MACROH2A1: variants seen among roughly 807,000 people sequenced by gnomAD.
MACROH2A1 encodes the protein core histone macro-H2A.1.
MACROH2A1 carries 2 observed loss-of-function variants against 31.6 expected under a neutral mutation model. That is an observed-to-expected ratio of 0.06 (90% CI 0.03 to 0.20). The LOEUF (loss-of-function observed/expected upper bound fraction) is 0.20. Among genes scored for constraint, MACROH2A1 ranks in the 10% least tolerant of loss-of-function variants. MACROH2A1 has a pLI of 1.00. For missense variants in MACROH2A1, 230 were observed against 474.0 expected, an observed-to-expected ratio of 0.49 and a Z score of 4.78; for synonymous variants, 169 against 189.6, an observed-to-expected ratio of 0.89 and a Z score of 0.89.
In MACROH2A1 at chr5:135,337,680, T is replaced by C. The variant is rs1484217403; in HGVS notation, c.954-2539A>G. On this transcript the variant is annotated intron_variant, in intron 8 of 8. Coordinates refer to ENST00000511689, the MANE Select transcript of MACROH2A1 (RefSeq NM_138610.3). Reference sequence around the variant, plus strand: ...ACTGCTGTTCTACAAATAGCCAGCATGGACTTTATAATCCAAGCTGGCAGG... The same window carrying C: ...ACTGCTGTTCTACAAATAGCCAGCACGGACTTTATAATCCAAGCTGGCAGG... Among the ~76,000 whole-genome samples the C allele has an allele frequency of 2.0e-5, 3 of 152,256 alleles. No individual in the cohort carries two copies. The East Asian group carries it at 5.8e-4, about 29-fold the overall frequency.
chr5:135,336,447 G>A (rs925933734), intron 8 of MACROH2A1, among the ~76,000 whole-genome samples: 3 of 152,246 alleles, frequency 2.0e-5, no homozygotes, highest in African/African-American at 4.8e-5. Flanking sequence ...CCCAGCCTAT[G>A]TGAAGGAGCC....
chr5:135,385,213 AGAG>A (rs1766228124), intron 2 of MACROH2A1, among the ~76,000 whole-genome samples: 1 of 152,342 alleles, frequency 6.6e-6, no homozygotes, highest in South Asian at 2.1e-4. Flanking sequence ...TGGGCCATGC[AGAG>A]AAGAAAACAA....
At chr5:135,350,871 C>G in intron 6 of MACROH2A1, 2 of 1,613,064 alleles carry the variant, frequency 1.2e-6, no homozygotes, top group Non-Finnish European at 1.7e-6. Flanking sequence ...TGAACGACAG[C>G]ATCACTGTCG....
At chr5:135,335,834 C>T (rs1264220558) in intron 8 of MACROH2A1, among the ~76,000 whole-genome samples, 1 of 152,230 alleles carries the variant, frequency 6.6e-6, no homozygotes, top group Non-Finnish European at 1.5e-5. Context: ...CTGGCCCTCA[C>T]TGCTCTGTGG....
chr5:135,351,274 TA>T (rs879456632), intron 6 of MACROH2A1: 447 of 147,840 alleles, frequency 3.0e-3, no homozygotes, highest in East Asian at 4.2e-3. Flanking sequence ...GGCATCTGTT[TA>T]AAAAAAAAAA....
At chr5:135,390,194 C>T (rs1767023139) in intron 1 of MACROH2A1, among the ~76,000 whole-genome samples, 1 of 152,238 alleles carries the variant, frequency 6.6e-6, no homozygotes. Flanking sequence ...ATCTCTCACA[C>T]TTGCCTCTGC....
intron 2 of MACROH2A1, among the ~76,000 whole-genome samples, chr5:135,386,382 T>C (rs1279277788): frequency 1.3e-5 from 2 of 152,248 alleles, no homozygotes; most frequent in African/African-American, 4.8e-5. Flanking sequence ...TGCCAATGAC[T>C]CAGTGCCGCA....
chr5:135,368,917 T>C (rs930092233), intron 4 of MACROH2A1, among the ~76,000 whole-genome samples: 3 of 152,162 alleles, frequency 2.0e-5, no homozygotes, highest in African/African-American at 7.2e-5. Flanking sequence ...ATACATCCAT[T>C]TTCCTCCTTG....
intron 2 of MACROH2A1, among the ~76,000 whole-genome samples, chr5:135,388,523 C>G (rs1374099864): frequency 3.9e-5 from 6 of 152,136 alleles, no homozygotes; most frequent in African/African-American, 1.4e-4. Flanking sequence ...AGCTGGCAAA[C>G]TGTTCAAAAT....
intron 6 of MACROH2A1, chr5:135,346,992 T>C (rs1428583720): frequency 6.6e-6 from 1 of 152,196 alleles, no homozygotes; most frequent in Admixed American, 6.5e-5. Flanking sequence ...CAGAATGGGG[T>C]CTGAGTCTTC....
chr5:135,383,984 C>G (rs1447698534), intron 2 of MACROH2A1, among the ~76,000 whole-genome samples: 1 of 152,168 alleles, frequency 6.6e-6, no homozygotes, highest in Admixed American at 6.5e-5. Context: ...TCTTCCTGCT[C>G]TATTTTTAGC....
intron 5 of MACROH2A1, chr5:135,359,263 T>G: frequency 1.0e-6 from 1 of 985,168 alleles, no homozygotes; most frequent in African/African-American, 1.7e-5. Context: ...GTATTTCAAA[T>G]GGAAGTAATG....
In MACROH2A1 at chr5:135,388,990, C is replaced by T; in HGVS notation, c.104G>A (p.Gly35Asp). ...CACTCCAATCCTGTACTTGGGGTGG[C>T]CTTTCTTGATGTACCGCAGCATCCG... ...VGRMLRYIKKGHPKYRIGVGA... is the reference protein window; with the variant it reads ...VGRMLRYIKKDHPKYRIGVGA... The change falls in exon 2 of 9, where the codon GGC becomes GAC. Residue 35 changes from glycine (G) to aspartate (D), a missense_variant. Transcript: ENST00000511689. The T allele has an allele frequency of 1.2e-6, 2 of 1,613,884 alleles. No homozygotes were observed. Among genetic ancestry groups the T allele is most frequent in the Non-Finnish European group, 1.7e-6 (2 of 1,179,818 alleles).
intron 2 of MACROH2A1, among the ~76,000 whole-genome samples, chr5:135,371,063 A>G (rs1261491161): frequency 6.6e-6 from 1 of 152,268 alleles, no homozygotes; most frequent in Non-Finnish European, 1.5e-5. Flanking sequence ...GTATATGATT[A>G]TAAGAACATT....
chr5:135,391,735 C>G (rs1176261352), intron 1 of MACROH2A1, among the ~76,000 whole-genome samples: 1 of 152,184 alleles, frequency 6.6e-6, no homozygotes, highest in Non-Finnish European at 1.5e-5. Context: ...GTGAACCTGG[C>G]CCAGACTTCT....
chr5:135,351,696 G>A lies in MACROH2A1; in HGVS notation c.688+1250C>T, dbSNP rs141955592. Among the ~76,000 whole-genome samples the A allele has an allele frequency of 2.8e-3, 430 of 151,368 alleles. 1 individual carries two copies. The highest frequency in any genetic ancestry group is 4.5e-3 in the Non-Finnish European group (306 of 67,788). ...TCCTGCCTCAGCCTCCTGAGTAGCT[G>A]AGACTACAGGCACGTGTCACCAAGC... On this transcript the variant is annotated intron_variant, in intron 6 of 8. Transcript: ENST00000511689.
intron 8 of MACROH2A1, among the ~76,000 whole-genome samples, chr5:135,341,704 G>A (rs1759900768): frequency 6.6e-6 from 1 of 152,238 alleles, no homozygotes; most frequent in Non-Finnish European, 1.5e-5. Context: ...GCAGCATGCA[G>A]GAGGCAAAAT....
intron 4 of MACROH2A1, among the ~76,000 whole-genome samples, chr5:135,367,784 C>G (rs1763697438): frequency 6.6e-6 from 1 of 152,214 alleles, no homozygotes; most frequent in South Asian, 2.1e-4. Flanking sequence ...CTCTGGGGCT[C>G]ATAATCAAAA....
rs764303234 is a variant in MACROH2A1 at position 135,335,063 on chromosome 5, A to AGAG, written c.1029_1031dup (p.Ser345dup). The AGAG allele has an allele frequency of 6.2e-7, 1 of 1,613,742 alleles. No homozygotes were observed. The highest frequency in any genetic ancestry group is 1.7e-5 in the Admixed American group (1 of 60,036). ...GCACGAAGTACACCGTTTTGATGGA[A>AGAG]GAGGACATTGTAGACACGAAGTAAC... is the stretch of plus-strand genomic sequence containing the variant. On this transcript the variant is annotated inframe_insertion, in exon 9 of 9. Transcript: ENST00000511689.
Sources: gnomAD v4.1 joint callset for allele counts (sites outside exome capture counted in the v4.1 genomes callset) on GRCh38, gnomAD v4.1.1 for gene constraint, MANE v1.5 for transcripts, NCBI Gene and HGNC (gene_info 2026-07-23, HGNC 2026-07-21) for gene names.